Variants in PRKCD observed in about 807,000 individuals in gnomAD.
The protein encoded by PRKCD is protein kinase C delta.
PRKCD carries 20 observed loss-of-function variants against 82.2 expected under a neutral mutation model. That is an observed-to-expected ratio of 0.24 (90% CI 0.17 to 0.35). The LOEUF (loss-of-function observed/expected upper bound fraction) is 0.35. PRKCD is among the 10% of genes least tolerant of loss of function. The probability of loss-of-function intolerance (pLI) is 1.00; values close to 1 mark genes in which losing one functional copy is unlikely to be tolerated. For missense variants in PRKCD, 607 were observed against 899.0 expected, an observed-to-expected ratio of 0.68 and a Z score of 4.15; for synonymous variants, 317 against 337.0, an observed-to-expected ratio of 0.94 and a Z score of 0.65.
At chr3:53,186,534 C>G (rs1355528149) in intron 13 of PRKCD, 70 bp from the exon 14 acceptor site, 2 of 1,462,628 alleles carry the variant, frequency 1.4e-6, no homozygotes, top group Admixed American at 3.6e-5. Flanking sequence ...TGGGGCTTGG[C>G]CCCAGTGGCC....
chr3:53,172,614 G>C (rs10865979), intron 2 of PRKCD, among the ~76,000 whole-genome samples: 1 of 152,188 alleles, frequency 6.6e-6, no homozygotes, highest in Admixed American at 6.5e-5. Flanking sequence ...CAGGTGTGTG[G>C]GGGAGAAGGC....
chr3:53,192,494 C>T lies in PRKCD; in HGVS notation c.*228C>T. The T allele has an allele frequency of 4.6e-6, 2 of 438,264 alleles. No homozygotes were observed. Among genetic ancestry groups the T allele is most frequent in the Non-Finnish European group, 8.3e-6 (2 of 242,316 alleles). 27.1% of individuals were successfully genotyped at this position (438,264 alleles called of 1,614,324 possible). ...AAATTGTAAATCCTGTGTTTCATTACTTGAATGTAGTTATCTATTGAAAAT... is the reference window on the plus strand; with the variant it reads ...AAATTGTAAATCCTGTGTTTCATTATTTGAATGTAGTTATCTATTGAAAAT... On this transcript the variant is annotated 3_prime_UTR_variant, in exon 19 of 19. Coordinates refer to ENST00000330452, the MANE Select transcript of PRKCD (RefSeq NM_006254.4).
intron 11 of PRKCD, 31 bp from the exon 12 acceptor site, chr3:53,185,896 C>T: frequency 6.2e-7 from 1 of 1,611,380 alleles, no homozygotes; most frequent in Non-Finnish European, 8.5e-7. Flanking sequence ...GACTGAGACC[C>T]CGATCTGAGG....
In PRKCD at chr3:53,183,225, C is replaced by T; in HGVS notation, c.657+19C>T. The stretch of plus-strand genomic sequence containing the variant: ...CACTATAGTGAGCCTGGGTCCGGGG[C>T]AGGGCTGGGGATCTGGGGGGCTTGG... On this transcript the variant is annotated intron_variant, in intron 8 of 18. Coordinates refer to ENST00000330452, the MANE Select transcript of PRKCD (RefSeq NM_006254.4). 6.2e-7 allele frequency: 1 copy of T among 1,612,672 alleles called. No homozygotes were observed. Among genetic ancestry groups the T allele is most frequent in the South Asian group, 1.1e-5 (1 of 90,960 alleles).
rs530955223 is a variant in PRKCD at position 53,163,907 on chromosome 3, G to A, written c.-131-1197G>A. Among the ~76,000 whole-genome samples the A allele has an allele frequency of 4.3e-3, 659 of 152,264 alleles. 2 individuals carry two copies. Among genetic ancestry groups the A allele is most frequent in the Admixed American group, 7.1e-3 (108 of 15,298 alleles). The stretch of plus-strand genomic sequence containing the variant: ...CCTTAGTGTCAGTAGTAGCGATGGG[G>A]GAGACAGGGGTGGGGGATGATTCAG... On this transcript the variant is annotated intron_variant, in intron 1 of 18. Coordinates refer to ENST00000330452, the MANE Select transcript of PRKCD (RefSeq NM_006254.4).
intron 17 of PRKCD, 151 bp downstream of exon 17, chr3:53,189,397 T>G: frequency 1.1e-6 from 1 of 890,734 alleles, no homozygotes; most frequent in Admixed American, 3.0e-5. Context: ...TCTCTCACCA[T>G]GTTCCCAGGA....
Position 53,192,116 on chromosome 3 carries a change from C to G in PRKCD, c.1881C>G (p.Pro627=), listed in dbSNP as rs199634315. 1 of 1,613,978 alleles carries G rather than the reference C, an allele frequency of 6.2e-7. No individual in the cohort carries two copies. Among genetic ancestry groups the G allele is most frequent in the Non-Finnish European group, 8.5e-7 (1 of 1,179,978 alleles). ...CTGCCCTCTGCTTGTAGAAGTCACC[C>G]AGAGACTACAGTAACTTTGACCAGG... ...EPPFRPKVKS[P]RDYSNFDQEF... is the part of the protein sequence containing the mutation. Residue 627 remains proline, a synonymous_variant, in exon 19 of 19, where the codon CCC becomes CCG. Coordinates refer to ENST00000330452, the MANE Select transcript of PRKCD (RefSeq NM_006254.4).
In PRKCD at chr3:53,169,042, G is replaced by A. The variant is rs1702928429; in HGVS notation, c.-20+3827G>A. 6.6e-6 allele frequency among the ~76,000 whole-genome samples: 1 copy of A among 152,156 alleles called. No homozygotes were observed. Among genetic ancestry groups the A allele is most frequent in the South Asian group, 2.1e-4 (1 of 4,832 alleles). Reference sequence around the variant, plus strand: ...GAAGACAGGTGCAGAGCCTGGGGATGGTGGTGGTGGGAGAAGAGGATTTGA... The same window carrying A: ...GAAGACAGGTGCAGAGCCTGGGGATAGTGGTGGTGGGAGAAGAGGATTTGA... On this transcript the variant is annotated intron_variant, in intron 2 of 18. Transcript: ENST00000330452. This position sits in a 1 kb window ranked among gnomAD's most constrained non-coding sequence, Gnocchi z 4.7.
intron 2 of PRKCD, among the ~76,000 whole-genome samples, chr3:53,173,849 A>G (rs890084921): frequency 6.6e-6 from 1 of 152,118 alleles, no homozygotes; most frequent in Non-Finnish European, 1.5e-5. Context: ...CTGGTCAAGC[A>G]TGGGGTACCT....
intron 2 of PRKCD, among the ~76,000 whole-genome samples, chr3:53,171,487 C>T (rs1265539564): frequency 1.3e-5 from 2 of 152,244 alleles, no homozygotes; most frequent in African/African-American, 4.8e-5. Flanking sequence ...CGTTCTCCTC[C>T]AGCCCCCCTC....
chr3:53,179,256 T>C (rs1553666613), intron 3 of PRKCD, among the ~76,000 whole-genome samples: 1 of 152,236 alleles, frequency 6.6e-6, no homozygotes, highest in Non-Finnish European at 1.5e-5. Context: ...CTTTCAGCTG[T>C]GTTCTGCGCC....
chr3:53,183,275 C>T, intron 8 of PRKCD, 69 bp downstream of exon 8: 4 of 1,578,884 alleles, frequency 2.5e-6, no homozygotes, highest in South Asian at 2.2e-5. Flanking sequence ...TTTGCACCCT[C>T]TCCCCACCCT....
chr3:53,179,521 A>T (rs781956210), intron 3 of PRKCD, 56 bp from the exon 4 acceptor site: 1 of 1,605,828 alleles, frequency 6.2e-7, no homozygotes, highest in Admixed American at 1.7e-5. Context: ...GTGGAGGTCT[A>T]CGAGGGAGGG....
intron 18 of PRKCD, 145 bp downstream of exon 18, chr3:53,190,146 T>C (rs1469852284): frequency 8.2e-7 from 1 of 1,216,538 alleles, no homozygotes; most frequent in Non-Finnish European, 1.2e-6. Context: ...TGCCCTTGTA[T>C]TCTCATCCTC....
intron 2 of PRKCD, among the ~76,000 whole-genome samples, chr3:53,166,970 G>A (rs1224654509): frequency 6.6e-6 from 1 of 152,262 alleles, no homozygotes; most frequent in Non-Finnish European, 1.5e-5. Flanking sequence ...GGGCCAAGGT[G>A]CTCACAGTGG....
intron 17 of PRKCD, among the ~76,000 whole-genome samples, chr3:53,189,529 C>T (rs1553670334): frequency 6.6e-6 from 1 of 152,228 alleles, no homozygotes; most frequent in East Asian, 1.9e-4. Flanking sequence ...CTTAACCTCT[C>T]AGAGTTTGTC....
At chr3:53,186,463 C>CCG (rs201112426) in intron 13 of PRKCD, 123 bp downstream of exon 13, 2 of 1,398,954 alleles carry the variant, frequency 1.4e-6, no homozygotes, top group East Asian at 4.6e-5. Flanking sequence ...GCTTTCCCCC[C>CCG]TCATGCCTCC....
Position 53,181,880 on chromosome 3 carries a change from A to G in PRKCD, c.571+148A>G, listed in dbSNP as rs782168672. On this transcript the variant is annotated intron_variant, in intron 7 of 18. Coordinates refer to ENST00000330452, the MANE Select transcript of PRKCD (RefSeq NM_006254.4). ...GTAGATACAGCAGCTGAGTTCAGTG[A>G]GTGCTGGGGCTGGCTTGCTGCTGCT... The G allele has an allele frequency of 4.1e-6, 5 of 1,206,150 alleles. No homozygotes were observed. In the South Asian group the frequency reaches 5.2e-5, roughly 13 times the overall value. 74.7% of individuals were successfully genotyped at this position (1,206,150 alleles called of 1,614,324 possible).
At chr3:53,175,564 C>T (rs782810210) in intron 2 of PRKCD, among the ~76,000 whole-genome samples, 5 of 152,150 alleles carry the variant, frequency 3.3e-5, no homozygotes, top group Non-Finnish European at 5.9e-5. Flanking sequence ...AGCACCCAGG[C>T]GGCCTGGCCA....
Sources: allele counts gnomAD v4.1 joint callset (sites outside exome capture counted in the v4.1 genomes callset), GRCh38; gene constraint gnomAD v4.1.1; non-coding constraint Gnocchi (gnomAD v3.1); transcripts MANE v1.5; gene names NCBI Gene and HGNC (gene_info 2026-07-23, HGNC 2026-07-21).